Variants in P2RY8 observed in about 807,000 individuals in gnomAD.
P2RY8 encodes S-geranylgeranyl-glutathione receptor P2RY8.
A neutral mutation model predicts 10.0 loss-of-function variants in P2RY8; 6 were observed. The observed-to-expected ratio is 0.60, with a 90% CI of 0.33 to 1.19. The LOEUF is 1.19. Ranked by LOEUF, P2RY8 falls within the 50% of genes most tolerant of loss-of-function variation. The probability of loss-of-function intolerance (pLI) is 0.04; values close to 1 mark genes in which losing one functional copy is unlikely to be tolerated. For missense variants in P2RY8, 456 were observed against 542.0 expected, an observed-to-expected ratio of 0.84 and a Z score of 1.58; for synonymous variants, 276 against 252.5, an observed-to-expected ratio of 1.09 and a Z score of -0.88.
intron 1 of P2RY8, among the ~76,000 whole-genome samples, chrX:1,484,724 T>TAAAAAAAAAAA: frequency 1.8e-3 from 31 of 16,772 alleles, no homozygotes; most frequent in Admixed American, 2.9e-3. Flanking sequence ...CAAAACCCTG[T>TAAAAAAAAAAA]AAAAAAAAAA....
At chrX:1,530,972 T>C (rs2092470719) in intron 1 of P2RY8, among the ~76,000 whole-genome samples, 1 of 152,056 alleles carries the variant, frequency 6.6e-6, no homozygotes, top group Admixed American at 6.6e-5. Context: ...TCCATGTATG[T>C]ATGTATGTAT....
intron 1 of P2RY8, among the ~76,000 whole-genome samples, chrX:1,486,069 T>C (rs1360762440): frequency 4.9e-4 from 74 of 152,060 alleles, no homozygotes; most frequent in African/African-American, 1.7e-3. Context: ...AAATACAAAA[T>C]TATCTGGGAG....
At chrX:1,497,306 A>G (rs1262497507) in intron 1 of P2RY8, among the ~76,000 whole-genome samples, 1 of 150,356 alleles carries the variant, frequency 6.7e-6, no homozygotes, top group African/African-American at 2.4e-5. Context: ...TTTAAATAGC[A>G]TGTTAATTAG....
At chrX:1,495,343 C>A (rs1403207242) in intron 1 of P2RY8, among the ~76,000 whole-genome samples, 1 of 152,132 alleles carries the variant, frequency 6.6e-6, no homozygotes, top group Admixed American at 6.6e-5. Flanking sequence ...TTGGAGGTTA[C>A]CTCTTTAAAG....
intron 1 of P2RY8, among the ~76,000 whole-genome samples, chrX:1,482,936 A>C (rs1245359902): frequency 1.2e-4 from 18 of 150,510 alleles, no homozygotes; most frequent in Non-Finnish European, 2.5e-4. Flanking sequence ...CACACCGGGG[A>C]CTGTTGTGGG....
intron 1 of P2RY8, among the ~76,000 whole-genome samples, chrX:1,482,449 A>AT (rs1168777724): frequency 6.6e-6 from 1 of 152,110 alleles, no homozygotes; most frequent in African/African-American, 2.4e-5. Flanking sequence ...AGACAGATTC[A>AT]TTTAACAGAT....
intron 1 of P2RY8, among the ~76,000 whole-genome samples, chrX:1,516,684 G>A (rs143730643): frequency 3.0e-4 from 45 of 151,536 alleles, no homozygotes; most frequent in African/African-American, 9.9e-4. Context: ...GAGAATCAAC[G>A]TTTGTTGTGT....
rs2091677211 is a variant in P2RY8, at chrX:1,466,415, C to G, written c.144G>C (p.Leu48=). 1.2e-6 allele frequency: 2 copies of G among 1,613,210 alleles called. No homozygotes were observed. Among genetic ancestry groups the G allele is most frequent in the East Asian group, 2.2e-5 (1 of 44,894 alleles). Residue 48 remains leucine, a synonymous_variant, in exon 2 of 2, where the codon CTG becomes CTC. Transcript: ENST00000381297. ...GGGATCTGGGCCCCATGCGCCGGCA[C>G]AGCACCCACAGAGAGAAGAGGTTGC... ...IPGNLFSLWV[L]CRRMGPRSPS...
At chrX:1,487,440 G>T (rs6644711) in intron 1 of P2RY8, among the ~76,000 whole-genome samples, 32,858 of 152,046 alleles carry the variant, frequency 0.22, 3,913 homozygotes, top group South Asian at 0.32. Flanking sequence ...GACACTGAGG[G>T]GCAGAGGGCA....
chrX:1,503,132 G>A (rs1462409107), intron 1 of P2RY8, among the ~76,000 whole-genome samples: 3 of 151,094 alleles, frequency 2.0e-5, no homozygotes, highest in East Asian at 1.9e-4. Context: ...AGAAGGCCAC[G>A]TGGAGACGGA....
intron 1 of P2RY8, among the ~76,000 whole-genome samples, chrX:1,480,025 G>C (rs1336288490): frequency 6.6e-6 from 1 of 152,170 alleles, no homozygotes; most frequent in Non-Finnish European, 1.5e-5. Context: ...TCCAGGCCCA[G>C]ATGGGTTTAC....
intron 1 of P2RY8, among the ~76,000 whole-genome samples, chrX:1,484,934 A>T (rs1442081747): frequency 6.6e-6 from 1 of 150,872 alleles, no homozygotes; most frequent in Admixed American, 6.6e-5. Context: ...AAATAAAGAC[A>T]GGTGGAGAAT....
At chrX:1,532,453 GTA>G (rs1252518863) in intron 1 of P2RY8, among the ~76,000 whole-genome samples, 13 of 134,508 alleles carry the variant, frequency 9.7e-5, no homozygotes, top group Non-Finnish European at 1.9e-4. Context: ...ATGTATATGT[GTA>G]TATATACACA....
In P2RY8 at chrX:1,466,584, T is replaced by C. The variant is rs2091680752; in HGVS notation, c.-24-2A>G. ...CCTGGAGGGGTCCTCGCCCGGGCTC[T>C]GCAAGGGAAGGAGGGAAGGGTGTAC... On this transcript the variant is annotated splice_acceptor_variant, in intron 1 of 1. Coordinates refer to ENST00000381297, the MANE Select transcript of P2RY8 (RefSeq NM_178129.5). LOFTEE classifies it low-confidence loss of function (5UTR_SPLICE). The C allele has an allele frequency of 6.3e-7, 1 of 1,589,060 alleles. No homozygotes were observed. The highest frequency in any genetic ancestry group is 8.5e-7 in the Non-Finnish European group (1 of 1,171,154).
intron 1 of P2RY8, among the ~76,000 whole-genome samples, chrX:1,490,937 T>G (rs2092040869): frequency 1.4e-5 from 2 of 145,758 alleles, no homozygotes; most frequent in South Asian, 4.5e-4. Flanking sequence ...GAATGAATGA[T>G]ACCCCAGATT....
intron 1 of P2RY8, among the ~76,000 whole-genome samples, chrX:1,513,397 C>T (rs1481981488): frequency 6.6e-6 from 1 of 152,116 alleles, no homozygotes; most frequent in Non-Finnish European, 1.5e-5. Context: ...CCATATCAAC[C>T]ATCCTCCCTG....
chrX:1,524,809 C>A (rs1461645433), intron 1 of P2RY8, among the ~76,000 whole-genome samples: 608 of 4,776 alleles, frequency 0.13, 5 homozygotes, highest in East Asian at 0.25. Flanking sequence ...ATCCACTCAT[C>A]CATCCATCCA....
intron 1 of P2RY8, among the ~76,000 whole-genome samples, chrX:1,478,655 T>C (rs2091903187): frequency 6.6e-6 from 1 of 151,910 alleles, no homozygotes. Context: ...ATTTTTGTAT[T>C]TTTAGTAGAG....
rs7065043 is a variant in P2RY8 at position 1,497,573 on chromosome X, G to T, written c.-24-30991C>A. 1.6e-4 allele frequency among the ~76,000 whole-genome samples: 24 copies of T among 150,998 alleles called. No homozygotes were observed. The East Asian group carries it at 1.6e-3, about 10-fold the overall frequency. ...CTCAGGAGGCCGAGGCAGGAGAATC[G>T]CTTGAACCCGGGAGGCGGAGGTTGC... On this transcript the variant is annotated intron_variant, in intron 1 of 1. Transcript: ENST00000381297.
Sources: allele counts gnomAD v4.1 joint callset (sites outside exome capture counted in the v4.1 genomes callset), GRCh38; gene constraint gnomAD v4.1.1; transcripts MANE v1.5; gene names NCBI Gene and HGNC (gene_info 2026-07-23, HGNC 2026-07-21).